Variants in VPS54 observed in about 807,000 individuals in gnomAD.
VPS54 encodes vacuolar protein sorting-associated protein 54.
In VPS54, 45 loss-of-function variants were observed where a neutral mutation model predicts 121.5. That is an observed-to-expected ratio of 0.37 (90% CI 0.29 to 0.47). The LOEUF is 0.47. Among genes scored for constraint, VPS54 ranks in the 20% least tolerant of loss-of-function variants. VPS54 has a pLI of 0.99. For synonymous variants in VPS54, 371 were observed against 385.8 expected (o/e 0.96, Z 0.45); for missense variants, 1,090 against 1,131.4 (o/e 0.96, Z 0.52).
intron 22 of VPS54, among the ~76,000 whole-genome samples, chr2:63,894,904 G>A (rs780559409): frequency 1.4e-4 from 22 of 152,092 alleles, no homozygotes; most frequent in Non-Finnish European, 2.4e-4. Context: ...CTAAAAGAAT[G>A]TAGACTAAAT....
intron 7 of VPS54, among the ~76,000 whole-genome samples, chr2:63,954,010 TAAA>T (rs544279854): frequency 6.6e-6 from 1 of 152,108 alleles, no homozygotes; most frequent in Non-Finnish European, 1.5e-5. Context: ...CAAAGTCACT[TAAA>T]AAAGAAAATT....
At chr2:63,931,318 T>G (rs755495720) in intron 12 of VPS54, among the ~76,000 whole-genome samples, 1 of 152,010 alleles carries the variant, frequency 6.6e-6, no homozygotes, top group Non-Finnish European at 1.5e-5. Context: ...TATAGACCAA[T>G]GGAACAGAAC....
intron 7 of VPS54, among the ~76,000 whole-genome samples, chr2:63,952,195 A>G (rs1559017116): frequency 6.6e-6 from 1 of 152,192 alleles, no homozygotes; most frequent in Non-Finnish European, 1.5e-5. Context: ...CAAGACTGAA[A>G]AATGTAAGGA....
chr2:63,973,173 C>G (rs1337771053), intron 3 of VPS54, among the ~76,000 whole-genome samples: 1 of 152,138 alleles, frequency 6.6e-6, no homozygotes, highest in Non-Finnish European at 1.5e-5. Context: ...TCCTGTTGTT[C>G]TACATCCTTG....
intron 9 of VPS54, 23 bp downstream of exon 9, chr2:63,947,360 G>T (rs1675028737): frequency 3.3e-6 from 5 of 1,516,282 alleles, no homozygotes; most frequent in Non-Finnish European, 4.5e-6. Context: ...ACCAAAATAT[G>T]TCAAATAAAA....
intron 1 of VPS54, among the ~76,000 whole-genome samples, chr2:63,990,148 T>C (rs115176624): frequency 0.012 from 1,871 of 152,216 alleles, 17 homozygotes; most frequent in Non-Finnish European, 0.015. Flanking sequence ...CCACCTCTTC[T>C]CCAACTTTCC....
intron 1 of VPS54, among the ~76,000 whole-genome samples, chr2:63,992,909 T>C (rs1677395995): frequency 6.6e-6 from 1 of 152,258 alleles, no homozygotes; most frequent in African/African-American, 2.4e-5. Context: ...TCATTATCAA[T>C]GGAAAGTACT....
intron 16 of VPS54, 67 bp downstream of exon 16, chr2:63,916,833 A>C (rs1319160703): frequency 2.0e-6 from 3 of 1,499,186 alleles, no homozygotes; most frequent in Non-Finnish European, 2.8e-6. Context: ...ATTCACTTCA[A>C]GGGAGAACTA....
intron 3 of VPS54, among the ~76,000 whole-genome samples, chr2:63,979,271 G>C (rs1388379774): frequency 7.2e-6 from 1 of 139,184 alleles, no homozygotes; most frequent in African/African-American, 2.7e-5. Flanking sequence ...ACGGAGTCTC[G>C]CTCTGTCACC....
At chr2:63,980,293 C>G (rs542962627) in intron 3 of VPS54, among the ~76,000 whole-genome samples, 36 of 152,230 alleles carry the variant, frequency 2.4e-4, no homozygotes, top group African/African-American at 8.4e-4. Context: ...TACTGTTAAG[C>G]ATGGTATATA....
At chr2:63,895,539 GA>G (rs36077848) in intron 22 of VPS54, among the ~76,000 whole-genome samples, 1 of 152,200 alleles carries the variant, frequency 6.6e-6, no homozygotes, top group Admixed American at 6.5e-5. Context: ...TTGGAGTAGT[GA>G]AAATGTTTGG....
intron 1 of VPS54, among the ~76,000 whole-genome samples, chr2:63,984,463 T>A (rs978518154): frequency 6.6e-6 from 1 of 152,166 alleles, no homozygotes; most frequent in Non-Finnish European, 1.5e-5. Context: ...GAAATGGAGA[T>A]GAAACGAGAT....
chr2:63,936,167 A>G (rs936951907), intron 11 of VPS54, among the ~76,000 whole-genome samples: 1 of 152,170 alleles, frequency 6.6e-6, no homozygotes, highest in African/African-American at 2.4e-5. Flanking sequence ...CATTCCTTTT[A>G]ATAACATCTT....
chr2:63,956,942 G>A (rs1283892296), intron 7 of VPS54, among the ~76,000 whole-genome samples: 1 of 152,072 alleles, frequency 6.6e-6, no homozygotes, highest in African/African-American at 2.4e-5. Context: ...AAGATTTTCT[G>A]TATCAAAACC....
chr2:63,973,197 T>G (rs780453648), intron 3 of VPS54, among the ~76,000 whole-genome samples: 1 of 152,188 alleles, frequency 6.6e-6, no homozygotes, highest in Non-Finnish European at 1.5e-5. Flanking sequence ...ACATTTGGTG[T>G]TGTCAGTGTT....
chr2:63,986,585 A>G (rs774809778), intron 1 of VPS54, among the ~76,000 whole-genome samples: 1 of 152,194 alleles, frequency 6.6e-6, no homozygotes, highest in Non-Finnish European at 1.5e-5. Flanking sequence ...TCTCTTCAAT[A>G]TACTGATTTC....
At chr2:63,965,766 T>G (rs2104569771) in intron 6 of VPS54, 69 bp downstream of exon 6, 1 of 1,568,326 alleles carries the variant, frequency 6.4e-7, no homozygotes, top group Non-Finnish European at 8.6e-7. Flanking sequence ...TAACTAAATC[T>G]GAACCCAAGC....
chr2:63,899,451 T>C (rs779002866), intron 21 of VPS54, 23 bp downstream of exon 21: 1 of 1,597,652 alleles, frequency 6.3e-7, no homozygotes, highest in South Asian at 1.1e-5. Context: ...TATACATGAA[T>C]AGTTTTAGGA....
intron 1 of VPS54, among the ~76,000 whole-genome samples, chr2:64,009,218 T>C (rs1319716933): frequency 6.6e-6 from 1 of 152,262 alleles, no homozygotes; most frequent in Non-Finnish European, 1.5e-5. Context: ...AACTGTTACT[T>C]ATGTTCATCT....
Sources: gnomAD v4.1 joint callset for allele counts (sites outside exome capture counted in the v4.1 genomes callset) on GRCh38, gnomAD v4.1.1 for gene constraint, MANE v1.5 for transcripts, NCBI Gene and HGNC (gene_info 2026-07-23, HGNC 2026-07-21) for gene names.